Variants in CNTN5 observed in about 807,000 individuals in gnomAD.
The protein encoded by CNTN5 is contactin-5.
CNTN5 carries 77 observed loss-of-function variants against 129.1 expected under a neutral mutation model. That is an observed-to-expected ratio of 0.60 (90% CI 0.50 to 0.72). The LOEUF is 0.72. CNTN5 is among the 30% of genes least tolerant of loss of function. CNTN5 has a pLI of 0.00. For synonymous variants in CNTN5, 509 were observed against 465.6 expected (o/e 1.09, Z -1.20); for missense variants, 1,478 against 1,328.8 (o/e 1.11, Z -1.75).
chr11:100,068,305 G>T (rs1422041688), intron 10 of CNTN5, among the ~76,000 whole-genome samples: 1 of 152,108 alleles, frequency 6.6e-6, no homozygotes, highest in African/African-American at 2.4e-5. Flanking sequence ...TTTTCCAAAC[G>T]AATAAGAACT....
At chr11:99,965,792 A>C (rs189124549) in intron 8 of CNTN5, among the ~76,000 whole-genome samples, 117 of 152,282 alleles carry the variant, frequency 7.7e-4, no homozygotes, top group Middle Eastern at 3.4e-3. Context: ...GTGGGAGTCT[A>C]AGTCTCTTTC....
chr11:99,397,540 T>C lies in CNTN5; in HGVS notation c.-71+72056T>C, dbSNP rs552036856. On this transcript the variant is annotated intron_variant, in intron 2 of 24. Coordinates refer to ENST00000524871, the MANE Select transcript of CNTN5 (RefSeq NM_014361.4). ...ATCTATCTACCTATCTATCTAATGATTTATTTGTATTAGTTGGATACTCAT... is the reference window on the plus strand; with the variant it reads ...ATCTATCTACCTATCTATCTAATGACTTATTTGTATTAGTTGGATACTCAT... 2.6e-5 allele frequency among the ~76,000 whole-genome samples: 4 copies of C among 151,956 alleles called. No individual in the cohort carries two copies. In the South Asian group the frequency reaches 8.3e-4, roughly 31 times the overall value.
chr11:99,188,159 A>G (rs1858449652), intron 1 of CNTN5, among the ~76,000 whole-genome samples: 1 of 151,834 alleles, frequency 6.6e-6, no homozygotes, highest in Non-Finnish European at 1.5e-5. Flanking sequence ...CAGGCATATG[A>G]CAGTATGTCC....
At chr11:99,738,616 CGTGT>C (rs113729274) in intron 3 of CNTN5, among the ~76,000 whole-genome samples, 11 of 143,202 alleles carry the variant, frequency 7.7e-5, no homozygotes, top group African/African-American at 1.3e-4. Context: ...AAGACAGTAA[CGTGT>C]GTGTGTGTGT....
At chr11:99,772,156 T>G (rs2135341327) in intron 3 of CNTN5, among the ~76,000 whole-genome samples, 2 of 151,502 alleles carry the variant, frequency 1.3e-5, no homozygotes, top group Admixed American at 1.3e-4. Context: ...CTACATCAAT[T>G]ACTTCATTTT....
At chr11:99,228,490 G>A (rs889945270) in intron 1 of CNTN5, among the ~76,000 whole-genome samples, 1 of 152,046 alleles carries the variant, frequency 6.6e-6, no homozygotes, top group African/African-American at 2.4e-5. Flanking sequence ...GACTTGAAAT[G>A]TTCGCAGCAT....
chr11:99,811,557 T>A (rs1292003241), intron 3 of CNTN5, among the ~76,000 whole-genome samples: 1 of 151,066 alleles, frequency 6.6e-6, no homozygotes, highest in Non-Finnish European at 1.5e-5. Context: ...ATCTCTAAAA[T>A]GACCTTTTAT....
intron 2 of CNTN5, among the ~76,000 whole-genome samples, chr11:99,529,968 C>A (rs938114700): frequency 1.3e-5 from 2 of 151,960 alleles, no homozygotes; most frequent in African/African-American, 4.8e-5. Flanking sequence ...AACAAAAATA[C>A]TTAAAAATAT....
At chr11:99,237,076 T>G (rs556400047) in intron 1 of CNTN5, among the ~76,000 whole-genome samples, 1 of 152,284 alleles carries the variant, frequency 6.6e-6, no homozygotes, top group Admixed American at 6.5e-5. Context: ...TTCTTTATTC[T>G]AAATGATTTC....
chr11:100,258,965 T>C (rs542432549), intron 17 of CNTN5, among the ~76,000 whole-genome samples: 110 of 152,270 alleles, frequency 7.2e-4, no homozygotes, highest in African/African-American at 1.9e-3. Flanking sequence ...TAAATATAAA[T>C]GGGCTAAATG....
At chr11:99,626,766 A>G (rs1951148105) in intron 3 of CNTN5, among the ~76,000 whole-genome samples, 1 of 152,170 alleles carries the variant, frequency 6.6e-6, no homozygotes, top group South Asian at 2.1e-4. Flanking sequence ...TAGTTAGAAG[A>G]GAAAACTTGA....
chr11:99,296,137 G>C (rs61893132), intron 1 of CNTN5, among the ~76,000 whole-genome samples: 14,869 of 152,150 alleles, frequency 0.098, 1,558 homozygotes, highest in East Asian at 0.45. Context: ...AGTCTCGTGA[G>C]AGTAGAAGCC....
At chr11:99,634,214 C>T (rs1191934203) in intron 3 of CNTN5, among the ~76,000 whole-genome samples, 1 of 152,142 alleles carries the variant, frequency 6.6e-6, no homozygotes, top group African/African-American at 2.4e-5. Context: ...AACGTCTACA[C>T]TTCATGGGTA....
chr11:99,773,918 G>C (rs1248771887), intron 3 of CNTN5, among the ~76,000 whole-genome samples: 3 of 151,952 alleles, frequency 2.0e-5, no homozygotes, highest in Admixed American at 2.0e-4. Flanking sequence ...TGGTTTCCTA[G>C]CAACTATTGC....
chr11:99,847,243 A>G (rs1947729066), intron 6 of CNTN5, among the ~76,000 whole-genome samples: 1 of 152,206 alleles, frequency 6.6e-6, no homozygotes, highest in Non-Finnish European at 1.5e-5. Context: ...TATTTATTTT[A>G]CATATCCATA....
chr11:100,194,955 A>T (rs1948597245), intron 15 of CNTN5, among the ~76,000 whole-genome samples: 1 of 151,986 alleles, frequency 6.6e-6, no homozygotes, highest in Non-Finnish European at 1.5e-5. Context: ...TACATTGTTC[A>T]CCATCTCATT....
intron 3 of CNTN5, among the ~76,000 whole-genome samples, chr11:99,748,633 G>A (rs558875797): frequency 1.3e-5 from 2 of 152,304 alleles, no homozygotes; most frequent in East Asian, 3.9e-4. Context: ...GAGAACTTGA[G>A]TGGGGTGGAG....
chr11:100,251,672 T>A (rs1345472480), intron 16 of CNTN5, among the ~76,000 whole-genome samples: 1 of 152,168 alleles, frequency 6.6e-6, no homozygotes, highest in Admixed American at 6.5e-5. Context: ...CATGTGGTGT[T>A]TAACTTTCTC....
chr11:99,727,300 G>A (rs1447104840), intron 3 of CNTN5, among the ~76,000 whole-genome samples: 9 of 39,134 alleles, frequency 2.3e-4, no homozygotes, highest in Non-Finnish European at 3.4e-4. Context: ...GCGACAGAGC[G>A]AGACTCCGTC....
Sources: allele counts gnomAD v4.1 joint callset (sites outside exome capture counted in the v4.1 genomes callset), GRCh38; gene constraint gnomAD v4.1.1; transcripts MANE v1.5; gene names NCBI Gene and HGNC (gene_info 2026-07-23, HGNC 2026-07-21).